Variants in GC observed in about 807,000 individuals in gnomAD.
The protein encoded by GC is GC vitamin D binding protein, also known as vitamin D-binding protein.
In GC, 43 loss-of-function variants were observed where a neutral mutation model predicts 56.7. The observed-to-expected ratio is 0.76, with a 90% CI of 0.59 to 0.98. The LOEUF (loss-of-function observed/expected upper bound fraction) is 0.98, where lower values mean the gene tolerates loss of function less well. Ranked by LOEUF, GC falls within the 50% of genes least tolerant of loss-of-function variation. The pLI, the probability that GC is intolerant of heterozygous loss-of-function variation, is 0.00. For missense variants in GC, 529 were observed against 545.9 expected, an observed-to-expected ratio of 0.97 and a Z score of 0.31; for synonymous variants, 216 against 202.7, an observed-to-expected ratio of 1.07 and a Z score of -0.56.
chr4:71,749,865 G>GA (rs1221143104), intron 11 of GC, among the ~76,000 whole-genome samples: 2 of 152,078 alleles, frequency 1.3e-5, no homozygotes, highest in Non-Finnish European at 2.9e-5. Context: ...CTGGAATTCT[G>GA]ACTTTATAAA....
At chr4:71,771,998 T>C (rs1441643883) in intron 1 of GC, among the ~76,000 whole-genome samples, 1 of 152,170 alleles carries the variant, frequency 6.6e-6, no homozygotes, top group Non-Finnish European at 1.5e-5. Flanking sequence ...ATTCCAACTG[T>C]GTCTATTTTA....
chr4:71,788,819 C>G (rs183702987), upstream of GC, among the ~76,000 whole-genome samples: 1 of 151,930 alleles, frequency 6.6e-6, no homozygotes, highest in Non-Finnish European at 1.5e-5. Context: ...CTCTTTCCAC[C>G]TTTATTGGTC....
intron 1 of GC, among the ~76,000 whole-genome samples, chr4:71,773,017 C>A: frequency 6.6e-6 from 1 of 152,034 alleles, no homozygotes; most frequent in East Asian, 1.9e-4. Flanking sequence ...CCATGGAATA[C>A]TGCTTAATAA....
At chr4:71,755,693 T>C (rs976736873) in intron 8 of GC, among the ~76,000 whole-genome samples, 1 of 152,214 alleles carries the variant, frequency 6.6e-6, no homozygotes, top group African/African-American at 2.4e-5. Flanking sequence ...ACATATCTAC[T>C]TCAAATGCAT....
In GC at chr4:71,756,911, GCAGCTACAAAA is replaced by G; in HGVS notation, c.832-8_834del. 6.2e-7 allele frequency: 1 copy of G among 1,606,402 alleles called. No individual in the cohort carries two copies. Among genetic ancestry groups the G allele is most frequent in the African/African-American group, 1.3e-5 (1 of 74,898 alleles). On this transcript the variant is annotated splice_acceptor_variant and splice_polypyrimidine_tract_variant and coding_sequence_variant and intron_variant, in exon 8 of 13. Coordinates refer to ENST00000273951, the MANE Select transcript of GC (RefSeq NM_000583.4). LOFTEE classifies it high-confidence loss of function. ...TCACAGAGTTTTACTGTGTGTTCAG[GCAGCTACAAAA>G]CGAATGGTTAGTTTGTGCATTGTTA...
chr4:71,782,776 C>T (rs1324176991), intron 1 of GC, among the ~76,000 whole-genome samples: 4 of 151,746 alleles, frequency 2.6e-5, no homozygotes, highest in Non-Finnish European at 5.9e-5. Context: ...TAGGATTTTT[C>T]AGGATCAGAT....
Position 71,781,536 on chromosome 4 carries a change from C to T in GC, c.58+2425G>A, listed in dbSNP as rs1268545339. Among the ~76,000 whole-genome samples the T allele has an allele frequency of 2.0e-5, 3 of 151,328 alleles. No homozygotes were observed. The East Asian group carries it at 5.9e-4, about 30-fold the overall frequency. On this transcript the variant is annotated intron_variant, in intron 1 of 12. Transcript: ENST00000273951. ...AAAAAATCAATTTTTATAAATGTTTCCTGGTCATTAAGGTAACTTTTCTAT... is the reference window on the plus strand; with the variant it reads ...AAAAAATCAATTTTTATAAATGTTTTCTGGTCATTAAGGTAACTTTTCTAT...
chr4:71,746,264 G>T, intron 11 of GC, 59 bp from the exon 12 acceptor site: 1 of 790,382 alleles, frequency 1.3e-6, no homozygotes, highest in African/African-American at 1.8e-5. Flanking sequence ...TAGGCTACTA[G>T]ATCATGCAGA....
In GC at chr4:71,756,885, G is replaced by T. The variant is rs758052191; in HGVS notation, c.861C>A (p.Asp287Glu). The T allele has an allele frequency of 6.2e-7, 1 of 1,613,016 alleles. No homozygotes were observed. The highest frequency in any genetic ancestry group is 1.3e-5 in the African/African-American group (1 of 74,886). The stretch of plus-strand genomic sequence containing the variant: ...ACTTAGAATTCTTTGTGGATAAATT[G>T]TCACAGAGTTTTACTGTGTGTTCAG... The part of the protein sequence containing the change: ...ELPEHTVKLC[D>E]NLSTKNSKFE... The change falls in exon 8 of 13, where the codon GAC becomes GAA. Residue 287 changes from aspartate (D) to glutamate (E), a missense_variant. Asp to Glu is a conservative substitution (Grantham distance 45). Coordinates refer to ENST00000273951, the MANE Select transcript of GC (RefSeq NM_000583.4).
chr4:71,780,827 C>T (rs1455085486), intron 1 of GC, among the ~76,000 whole-genome samples: 1 of 152,106 alleles, frequency 6.6e-6, no homozygotes, highest in African/African-American at 2.4e-5. Context: ...GACAGTGTGA[C>T]TATTCCTCAA....
At chr4:71,800,705 A>G (rs1743226999) in intron 1 of GC, among the ~76,000 whole-genome samples, 1 of 152,192 alleles carries the variant, frequency 6.6e-6, no homozygotes, top group African/African-American at 2.4e-5. Context: ...CCAACAGTGT[A>G]AAAGTGTTCC....
intron 1 of GC, among the ~76,000 whole-genome samples, chr4:71,790,866 T>G (rs1442158577): frequency 6.6e-6 from 1 of 151,944 alleles, no homozygotes; most frequent in Non-Finnish European, 1.5e-5. Context: ...GCTGCACCCA[T>G]TAACTCATCA....
chr4:71,800,067 CT>C (rs36039057), intron 1 of GC, among the ~76,000 whole-genome samples: 116,581 of 148,840 alleles, frequency 0.78, 46,766 homozygotes, highest in South Asian at 0.91. Context: ...ACTTCACTTC[CT>C]TTTTTTTTTT....
intron 11 of GC, among the ~76,000 whole-genome samples, chr4:71,746,542 C>G (rs1480112675): frequency 6.6e-6 from 1 of 151,890 alleles, no homozygotes; most frequent in African/African-American, 2.4e-5. Context: ...GAGCAGATGT[C>G]TTCTAACTTG....
Position 71,758,165 on chromosome 4 carries a change from G to A in GC, c.708C>T (p.Leu236=). The A allele has an allele frequency of 6.2e-7, 1 of 1,612,754 alleles. No homozygotes were observed. Among genetic ancestry groups the A allele is most frequent in the South Asian group, 1.1e-5 (1 of 90,946 alleles). ...TAGGCACTTTTTGGGCTAACTTTATGAGATTGCTAAACAGTTAAAAATAAA... is the reference window on the plus strand; with the variant it reads ...TAGGCACTTTTTGGGCTAACTTTATAAGATTGCTAAACAGTTAAAAATAAA... The part of the protein sequence containing the change: ...YGEKKSRLSN[L]IKLAQKVPTA... Residue 236 remains leucine (L), a synonymous_variant, in exon 7 of 13, where the codon CTC becomes CTT. Transcript: ENST00000273951.
intron 12 of GC, among the ~76,000 whole-genome samples, chr4:71,743,889 G>C (rs996317717): frequency 6.6e-6 from 1 of 152,286 alleles, no homozygotes; most frequent in East Asian, 1.9e-4. Flanking sequence ...TTTTAGGAAG[G>C]AATATGTGAA....
intron 6 of GC, among the ~76,000 whole-genome samples, chr4:71,758,395 A>G (rs1741856097): frequency 6.6e-6 from 1 of 152,184 alleles, no homozygotes; most frequent in Non-Finnish European, 1.5e-5. Context: ...ACCCAAATGC[A>G]GCTTCTCTTC....
intron 1 of GC, among the ~76,000 whole-genome samples, chr4:71,790,094 T>A (rs929452595): frequency 2.0e-5 from 3 of 152,052 alleles, no homozygotes; most frequent in Non-Finnish European, 2.9e-5. Flanking sequence ...ATCTTTCTGA[T>A]AAGTTATTCC....
chr4:71,803,001 A>T (rs1743288494), intron 1 of GC, among the ~76,000 whole-genome samples: 2 of 152,166 alleles, frequency 1.3e-5, no homozygotes, highest in South Asian at 4.1e-4. Context: ...ATAATAAGTC[A>T]GGGACCGTCT....
Sources: allele counts gnomAD v4.1 joint callset (sites outside exome capture counted in the v4.1 genomes callset), GRCh38; gene constraint gnomAD v4.1.1; transcripts MANE v1.5; gene names NCBI Gene and HGNC (gene_info 2026-07-23, HGNC 2026-07-21).